LRBA: variants seen among roughly 807,000 people sequenced by gnomAD.
LRBA encodes the protein lipopolysaccharide-responsive and beige-like anchor protein.
Under a neutral mutation model 330.0 loss-of-function variants are expected in LRBA, and 176 were observed. That is an observed-to-expected ratio of 0.53 (90% CI 0.47 to 0.60). The LOEUF is 0.60. LRBA is among the 20% of genes least tolerant of loss of function. The pLI, the probability that LRBA is intolerant of heterozygous loss-of-function variation, is 0.00. For missense variants in LRBA, 3,259 were observed against 3,444.8 expected, an observed-to-expected ratio of 0.95 and a Z score of 1.35; for synonymous variants, 1,230 against 1,193.0, an observed-to-expected ratio of 1.03 and a Z score of -0.64.
intron 42 of LRBA, among the ~76,000 whole-genome samples, chr4:150,483,329 T>C (rs887123566): frequency 2.0e-5 from 3 of 152,058 alleles, no homozygotes; most frequent in Non-Finnish European, 2.9e-5. Context: ...TGGACTCTGT[T>C]ACAGTCCATT....
chr4:150,519,546 A>G (rs1297034362), intron 40 of LRBA, among the ~76,000 whole-genome samples: 6 of 152,094 alleles, frequency 3.9e-5, no homozygotes, highest in African/African-American at 1.4e-4. Flanking sequence ...TTGATAATTC[A>G]TTTCTTTTTA....
intron 40 of LRBA, among the ~76,000 whole-genome samples, chr4:150,538,068 T>C (rs2152216805): frequency 6.6e-6 from 1 of 152,214 alleles, no homozygotes; most frequent in East Asian, 1.9e-4. Flanking sequence ...AGAAATTCAA[T>C]TCAAAACCAC....
chr4:150,485,416 T>A (rs1221794692), intron 42 of LRBA, among the ~76,000 whole-genome samples: 1 of 151,938 alleles, frequency 6.6e-6, no homozygotes, highest in East Asian at 1.9e-4. Context: ...GACTTATGAC[T>A]CCTTAAAAGC....
rs560806608 is a variant in LRBA at position 150,521,187 on chromosome 4, T to C, written c.6331-30152A>G. On this transcript the variant is annotated intron_variant, in intron 40 of 56. Transcript: ENST00000651943. ...AAAAACAGCTTTTGGTTTCACTGGATTTCTAGTTTTTTAAAGTTGATTTTT... is the reference window on the plus strand; with the variant it reads ...AAAAACAGCTTTTGGTTTCACTGGACTTCTAGTTTTTTAAAGTTGATTTTT... 4.4e-4 allele frequency among the ~76,000 whole-genome samples: 67 copies of C among 152,266 alleles called. 1 individual carries two copies. In the South Asian group the frequency reaches 0.014, roughly 32 times the overall value.
chr4:150,721,313 A>G (rs1728897108), intron 36 of LRBA: 1 of 334,634 alleles, frequency 3.0e-6, no homozygotes, highest in Non-Finnish European at 5.8e-6. Flanking sequence ...AAGTGAAAGT[A>G]CTTTGTATTG....
chr4:150,701,720 G>A (rs138810360), intron 36 of LRBA, among the ~76,000 whole-genome samples: 60 of 152,204 alleles, frequency 3.9e-4, no homozygotes, highest in African/African-American at 1.4e-3. Flanking sequence ...GTCCAAAACC[G>A]CCATGGTAGT....
chr4:150,993,032 C>T (rs1022444787), intron 2 of LRBA, among the ~76,000 whole-genome samples: 7 of 151,936 alleles, frequency 4.6e-5, no homozygotes, highest in African/African-American at 1.2e-4. Context: ...CTATAATCCA[C>T]GCACTTTGGG....
chr4:150,809,928 A>G (rs1411128787), intron 31 of LRBA, among the ~76,000 whole-genome samples: 2 of 135,398 alleles, frequency 1.5e-5, no homozygotes, highest in South Asian at 2.4e-4. Flanking sequence ...ACGATACGAT[A>G]CGATACTTCC....
intron 22 of LRBA, 68 bp from the exon 23 acceptor site, chr4:150,853,011 C>G: frequency 3.5e-6 from 3 of 845,792 alleles, no homozygotes; most frequent in Non-Finnish European, 5.1e-6. Context: ...AAATATAAAA[C>G]TAAATAATTT....
chr4:150,872,890 T>C, intron 17 of LRBA, 135 bp from the exon 18 acceptor site: 1 of 452,628 alleles, frequency 2.2e-6, no homozygotes, highest in Non-Finnish European at 3.9e-6. Context: ...GATTTCTGTA[T>C]ATAAAAAATC....
chr4:150,908,963 A>G (rs1731651705), intron 9 of LRBA, 106 bp from the exon 10 acceptor site: 1 of 720,378 alleles, frequency 1.4e-6, no homozygotes, highest in Admixed American at 2.9e-5. Context: ...ATAATCTTTT[A>G]ACAGTATTAT....
chr4:150,521,982 C>G (rs1270231090), intron 40 of LRBA, among the ~76,000 whole-genome samples: 1 of 152,142 alleles, frequency 6.6e-6, no homozygotes. Context: ...CAGTTTGCTT[C>G]ACATTTAAAA....
intron 47 of LRBA, among the ~76,000 whole-genome samples, chr4:150,407,608 C>T (rs942155126): frequency 3.9e-5 from 6 of 152,126 alleles, no homozygotes; most frequent in Non-Finnish European, 8.8e-5. Flanking sequence ...AAGAATTCTC[C>T]TATATAGACC....
intron 47 of LRBA, among the ~76,000 whole-genome samples, chr4:150,353,156 T>C (rs1737394868): frequency 2.0e-5 from 3 of 152,102 alleles, no homozygotes; most frequent in Admixed American, 1.3e-4. Flanking sequence ...TAGCATATAA[T>C]ATCTCTGAGT....
intron 47 of LRBA, among the ~76,000 whole-genome samples, chr4:150,363,215 A>G (rs767063514): frequency 6.6e-6 from 1 of 152,156 alleles, no homozygotes; most frequent in East Asian, 1.9e-4. Context: ...AGCGCTTCTT[A>G]TATCTGTAAT....
chr4:150,583,407 T>A lies in LRBA; in HGVS notation c.6330+4641A>T. The A allele has an allele frequency of 1.9e-6, 3 of 1,614,000 alleles. No individual in the cohort carries two copies. The African/African-American group carries it at 4.0e-5, about 22-fold the overall frequency. On this transcript the variant is annotated intron_variant, in intron 40 of 56. Transcript: ENST00000651943. The surrounding 1 kb of genome is among the most constrained non-coding windows in gnomAD (Gnocchi z 9.8). Reference sequence around the variant, plus strand: ...CGGCGTCGGGCTATCTCTCAGCGCGTAAGATCCGCTCGCGTTTCCAGACGC... The same window carrying A: ...CGGCGTCGGGCTATCTCTCAGCGCGAAAGATCCGCTCGCGTTTCCAGACGC...
At chr4:150,525,794 T>C (rs2152183659) in intron 40 of LRBA, among the ~76,000 whole-genome samples, 1 of 152,282 alleles carries the variant, frequency 6.6e-6, no homozygotes, top group South Asian at 2.1e-4. Flanking sequence ...TATATAACTA[T>C]ATTATGCTAG....
intron 44 of LRBA, among the ~76,000 whole-genome samples, chr4:150,456,765 G>A (rs887956892): frequency 3.9e-5 from 6 of 152,084 alleles, no homozygotes; most frequent in Non-Finnish European, 5.9e-5. Context: ...CAATGTCTTG[G>A]AGAGTTTCCC....
chr4:150,768,246 A>G (rs902004526), intron 34 of LRBA, among the ~76,000 whole-genome samples: 14 of 152,096 alleles, frequency 9.2e-5, no homozygotes, highest in Admixed American at 5.9e-4. Flanking sequence ...AGGACCAAAG[A>G]AAACAAAACT....
Sources: gnomAD v4.1 joint callset for allele counts (sites outside exome capture counted in the v4.1 genomes callset) on GRCh38, gnomAD v4.1.1 for gene constraint, Gnocchi (gnomAD v3.1) non-coding constraint, MANE v1.5 for transcripts, NCBI Gene and HGNC (gene_info 2026-07-23, HGNC 2026-07-21) for gene names.